Variants in PLPP4 observed in about 807,000 individuals in gnomAD.
The protein encoded by PLPP4 is diacylglycerol pyrophosphate like 2.
A neutral mutation model predicts 32.2 loss-of-function variants in PLPP4; 20 were observed. The observed-to-expected ratio is 0.62, with a 90% CI of 0.44 to 0.90. The LOEUF (loss-of-function observed/expected upper bound fraction) is 0.90, where lower values mean the gene tolerates loss of function less well. Ranked by LOEUF, PLPP4 falls within the 40% of genes least tolerant of loss-of-function variation. The pLI is 0.00. For missense variants in PLPP4, 257 were observed against 353.1 expected (o/e 0.73, Z 2.18); for synonymous variants, 127 against 133.0 (o/e 0.95, Z 0.31).
chr10:120,569,663 A>G (rs1000453821), intron 5 of PLPP4, among the ~76,000 whole-genome samples: 9 of 152,230 alleles, frequency 5.9e-5, no homozygotes, highest in Non-Finnish European at 1.3e-4. Flanking sequence ...GCCTAGAAAC[A>G]GGGGATAAAG....
intron 1 of PLPP4, among the ~76,000 whole-genome samples, chr10:120,460,082 C>T (rs988137644): frequency 6.6e-6 from 1 of 152,132 alleles, no homozygotes; most frequent in African/African-American, 2.4e-5. Context: ...GACTTCAAAT[C>T]GCTGGGAAGG....
intron 1 of PLPP4, among the ~76,000 whole-genome samples, chr10:120,494,910 A>T (rs146249732): frequency 2.6e-4 from 40 of 152,314 alleles, no homozygotes; most frequent in Admixed American, 7.8e-4. Context: ...AAGTAAGGTC[A>T]TATCTCTGTA....
At chr10:120,494,456 C>T (rs1222885849) in intron 1 of PLPP4, among the ~76,000 whole-genome samples, 2 of 152,166 alleles carry the variant, frequency 1.3e-5, no homozygotes, top group African/African-American at 2.4e-5. Context: ...TTGAAAAGGG[C>T]ATGAGATTTA....
At chr10:120,536,186 G>GA (rs1003332949) in intron 5 of PLPP4, among the ~76,000 whole-genome samples, 2 of 151,554 alleles carry the variant, frequency 1.3e-5, no homozygotes, top group East Asian at 1.9e-4. Flanking sequence ...CACAGAAATA[G>GA]AAAAAAAATC....
intron 5 of PLPP4, among the ~76,000 whole-genome samples, chr10:120,560,639 C>CA (rs1848390243): frequency 6.6e-6 from 1 of 152,056 alleles, no homozygotes; most frequent in Admixed American, 6.5e-5. Flanking sequence ...CCTGTAATCC[C>CA]AGCTACTCAG....
At chr10:120,461,393 G>C (rs773389071) in intron 1 of PLPP4, among the ~76,000 whole-genome samples, 2 of 152,158 alleles carry the variant, frequency 1.3e-5, no homozygotes, top group Admixed American at 6.5e-5. Context: ...TGTGCTGGAC[G>C]GGGGGAAAGA....
intron 6 of PLPP4, 86 bp downstream of exon 6, chr10:120,575,387 G>A: frequency 1.4e-6 from 2 of 1,404,264 alleles, no homozygotes; most frequent in Non-Finnish European, 1.9e-6. Context: ...CCAATTGTGG[G>A]GAGCTAAGTG....
At chr10:120,526,863 A>C (rs541935980) in intron 5 of PLPP4, among the ~76,000 whole-genome samples, 1 of 152,280 alleles carries the variant, frequency 6.6e-6, no homozygotes, top group South Asian at 2.1e-4. Context: ...AAAGCTCTGC[A>C]GGGCCCTGCC....
chr10:120,479,733 C>T (rs1032027776), intron 1 of PLPP4, among the ~76,000 whole-genome samples: 4 of 152,192 alleles, frequency 2.6e-5, no homozygotes, highest in Admixed American at 6.5e-5. Context: ...TAATAAAAAT[C>T]GTTGCCTTCA....
At chr10:120,494,260 C>T (rs948771490) in intron 1 of PLPP4, among the ~76,000 whole-genome samples, 1 of 152,210 alleles carries the variant, frequency 6.6e-6, no homozygotes, top group African/African-American at 2.4e-5. Context: ...ATAAGCACTT[C>T]ATATGAATTA....
chr10:120,485,278 T>C (rs911514134), intron 1 of PLPP4, among the ~76,000 whole-genome samples: 2 of 152,362 alleles, frequency 1.3e-5, no homozygotes, highest in African/African-American at 4.8e-5. Flanking sequence ...CCTTATTCAC[T>C]CTGGGTCCAA....
intron 2 of PLPP4, among the ~76,000 whole-genome samples, chr10:120,504,169 T>G (rs1845392356): frequency 6.6e-6 from 1 of 152,234 alleles, no homozygotes; most frequent in Non-Finnish European, 1.5e-5. Flanking sequence ...AACATAAATT[T>G]AATTCTCTCA....
chr10:120,495,902 A>T (rs536116653), intron 1 of PLPP4, among the ~76,000 whole-genome samples: 2 of 152,234 alleles, frequency 1.3e-5, no homozygotes, highest in Admixed American at 6.5e-5. Flanking sequence ...CTTATTACTG[A>T]ACAGAATATT....
intron 1 of PLPP4, among the ~76,000 whole-genome samples, chr10:120,487,966 A>G (rs1844538706): frequency 6.6e-6 from 1 of 152,214 alleles, no homozygotes; most frequent in South Asian, 2.1e-4. Flanking sequence ...AATCCAAGAC[A>G]GGAGAGGGCA....
At chr10:120,585,931 C>T (rs1468034452) in intron 6 of PLPP4, among the ~76,000 whole-genome samples, 1 of 152,172 alleles carries the variant, frequency 6.6e-6, no homozygotes, top group African/African-American at 2.4e-5. Flanking sequence ...AACCTGTATT[C>T]CTTGCCTTTC....
chr10:120,520,839 G>A, intron 4 of PLPP4, 132 bp from the exon 5 acceptor site: 1 of 1,105,422 alleles, frequency 9.0e-7, no homozygotes, highest in East Asian at 2.4e-5. Context: ...AGTATTCTGT[G>A]AGGAGCTCCA....
chr10:120,581,374 C>G (rs1434265279), intron 6 of PLPP4: 1 of 894,358 alleles, frequency 1.1e-6, no homozygotes, highest in Non-Finnish European at 1.3e-6. Context: ...TTGCAGAAGC[C>G]TCTCAGCCTG....
intron 1 of PLPP4, among the ~76,000 whole-genome samples, chr10:120,472,659 T>C (rs1282303621): frequency 1.3e-5 from 2 of 152,170 alleles, no homozygotes; most frequent in African/African-American, 4.8e-5. Flanking sequence ...CTTTATTTTA[T>C]CCAATATTTC....
chr10:120,579,434 G>C (rs140970653), intron 6 of PLPP4, among the ~76,000 whole-genome samples: 1 of 152,098 alleles, frequency 6.6e-6, no homozygotes, highest in African/African-American at 2.4e-5. Context: ...TATTGCGTTC[G>C]CCTGCTTTCC....
Sources: gnomAD v4.1 joint callset for allele counts (sites outside exome capture counted in the v4.1 genomes callset) on GRCh38, gnomAD v4.1.1 for gene constraint, MANE v1.5 for transcripts, NCBI Gene and HGNC (gene_info 2026-07-23, HGNC 2026-07-21) for gene names.